TNPO1: variants seen among roughly 807,000 people sequenced by gnomAD.
TNPO1 encodes transportin 1, also known as transportin-1.
In TNPO1, 8 loss-of-function variants were observed where a neutral mutation model predicts 119.5. The observed-to-expected ratio is 0.07, with a 90% CI of 0.04 to 0.12. The LOEUF (loss-of-function observed/expected upper bound fraction) is 0.12, where lower values mean the gene tolerates loss of function less well. Among genes scored for constraint, TNPO1 ranks in the 10% least tolerant of loss-of-function variants. The pLI, the probability that TNPO1 is intolerant of heterozygous loss-of-function variation, is 1.00. For missense variants in TNPO1, 576 were observed against 1,089.8 expected, an observed-to-expected ratio of 0.53 and a Z score of 6.64; for synonymous variants, 362 against 363.0, an observed-to-expected ratio of 1.00 and a Z score of 0.03.
chr5:72,906,894 A>G (rs1223759110), intron 24 of TNPO1, among the ~76,000 whole-genome samples: 3 of 152,258 alleles, frequency 2.0e-5, no homozygotes, highest in East Asian at 1.9e-4. Flanking sequence ...GAATTAAGAC[A>G]TATCTGACTG....
intron 2 of TNPO1, 45 bp from the exon 3 acceptor site, chr5:72,851,199 C>T (rs562214549): frequency 2.6e-6 from 3 of 1,156,376 alleles, no homozygotes; most frequent in East Asian, 2.4e-5. Context: ...TTAATTTCTT[C>T]CTGAGATTAC....
intron 11 of TNPO1, among the ~76,000 whole-genome samples, chr5:72,886,522 T>A (rs1249646203): frequency 1.3e-5 from 2 of 152,206 alleles, no homozygotes; most frequent in Non-Finnish European, 2.9e-5. Context: ...AGAATTCTAG[T>A]ATGACAGTTA....
At chr5:72,864,071 A>C (rs537684525) in intron 5 of TNPO1, among the ~76,000 whole-genome samples, 1 of 152,170 alleles carries the variant, frequency 6.6e-6, no homozygotes, top group Non-Finnish European at 1.5e-5. Context: ...TGAAATTTTT[A>C]ATTGCCACAT....
intron 5 of TNPO1, among the ~76,000 whole-genome samples, chr5:72,863,381 T>A (rs1746630472): frequency 6.6e-6 from 1 of 151,844 alleles, no homozygotes; most frequent in Non-Finnish European, 1.5e-5. Context: ...CCTAGGTGGG[T>A]GGATTGCATG....
intron 7 of TNPO1, among the ~76,000 whole-genome samples, chr5:72,873,419 TA>T (rs1254893928): frequency 1.3e-5 from 2 of 151,756 alleles, no homozygotes; most frequent in Admixed American, 6.6e-5. Context: ...TAAGGAAGAG[TA>T]GGGGGGGTTA....
chr5:72,824,942 C>T (rs190873001), intron 1 of TNPO1, among the ~76,000 whole-genome samples: 3 of 152,198 alleles, frequency 2.0e-5, no homozygotes, highest in Non-Finnish European at 4.4e-5. Context: ...ACAGACTCTC[C>T]CATTTCTGTC....
At chr5:72,842,129 T>A (rs569686527) in intron 1 of TNPO1, among the ~76,000 whole-genome samples, 1 of 152,350 alleles carries the variant, frequency 6.6e-6, no homozygotes, top group South Asian at 2.1e-4. Flanking sequence ...TACATACTAC[T>A]GGTTTTTTAG....
At chr5:72,901,444 C>G (rs1277509529) in intron 22 of TNPO1, among the ~76,000 whole-genome samples, 1 of 152,156 alleles carries the variant, frequency 6.6e-6, no homozygotes, top group Non-Finnish European at 1.5e-5. Context: ...AGTAGGAATA[C>G]TGTCTCTCTA....
At chr5:72,903,456 G>A (rs191352901) in intron 22 of TNPO1, among the ~76,000 whole-genome samples, 1 of 152,136 alleles carries the variant, frequency 6.6e-6, no homozygotes, top group Non-Finnish European at 1.5e-5. Context: ...TTGCACAGGG[G>A]GTTATTTTGT....
intron 20 of TNPO1, among the ~76,000 whole-genome samples, chr5:72,897,367 CT>C (rs1340686089): frequency 6.6e-6 from 1 of 152,088 alleles, no homozygotes; most frequent in Admixed American, 6.5e-5. Flanking sequence ...CAGAAAAACA[CT>C]TTTTTCCCCT....
intron 22 of TNPO1, among the ~76,000 whole-genome samples, chr5:72,901,648 A>G (rs1749802482): frequency 6.6e-6 from 1 of 152,216 alleles, no homozygotes; most frequent in East Asian, 1.9e-4. Context: ...TCCAACTGCC[A>G]ATTTTCTAGA....
In TNPO1 at chr5:72,876,051, C is replaced by T. The variant is rs552669025; in HGVS notation, c.801+314C>T. On this transcript the variant is annotated intron_variant, in intron 8 of 24. Coordinates refer to ENST00000337273, the MANE Select transcript of TNPO1 (RefSeq NM_002270.4). The stretch of plus-strand genomic sequence containing the variant: ...TTAAAAGGCTAGCATTCGTGGTATG[C>T]AGCAACTCCTGTTCTAAAACTTTAC... Among the ~76,000 whole-genome samples, 17 of 152,264 alleles carry T rather than the reference C, an allele frequency of 1.1e-4. 1 individual carries two copies. In the South Asian group the frequency reaches 3.3e-3, roughly 30 times the overall value.
intron 9 of TNPO1, chr5:72,879,306 C>G (rs992571941): frequency 5.8e-5 from 9 of 154,558 alleles, no homozygotes; most frequent in Non-Finnish European, 1.1e-4. Context: ...TAAACCTATG[C>G]TATAACAAAC....
In TNPO1 at chr5:72,883,283, T is replaced by C. The variant is rs772486915; in HGVS notation, c.1150+51T>C. On this transcript the variant is annotated intron_variant, in intron 11 of 24. Coordinates refer to ENST00000337273, the MANE Select transcript of TNPO1 (RefSeq NM_002270.4). ...TTGCCTACTTTGATGATAACTTTAT[T>C]GGGGTATAATTCATCTACTGTACAG... 4.0e-5 allele frequency: 33 copies of C among 833,106 alleles called. No individual in the cohort carries two copies. The South Asian group carries it at 4.6e-4, about 12-fold the overall frequency. The allele number at this position is 833,106 out of a possible 1,614,324, so 51.6% of individuals were successfully genotyped here.
intron 1 of TNPO1, among the ~76,000 whole-genome samples, chr5:72,823,824 CTTAAG>C (rs1426081914): frequency 1.3e-5 from 2 of 152,146 alleles, no homozygotes; most frequent in East Asian, 3.8e-4. Context: ...GGCCACAAAC[CTTAAG>C]TGGGTCTGTA....
chr5:72,902,917 C>T (rs1749897365), intron 22 of TNPO1, among the ~76,000 whole-genome samples: 1 of 151,988 alleles, frequency 6.6e-6, no homozygotes, highest in Non-Finnish European at 1.5e-5. Flanking sequence ...TAAACATACA[C>T]ACACTGTAGT....
At chr5:72,906,298 T>C (rs1750159533) in intron 24 of TNPO1, among the ~76,000 whole-genome samples, 1 of 124,860 alleles carries the variant, frequency 8.0e-6, no homozygotes, top group African/African-American at 3.1e-5. Context: ...TTTTTTTTTT[T>C]TTTTTTTTTT....
intron 8 of TNPO1, 71 bp downstream of exon 8, chr5:72,875,808 A>G (rs1747721492): frequency 2.7e-6 from 4 of 1,501,982 alleles, no homozygotes; most frequent in Non-Finnish European, 2.7e-6. Flanking sequence ...AAAATACAAC[A>G]TACCGGATGG....
chr5:72,835,626 T>C (rs1744664441), intron 1 of TNPO1, among the ~76,000 whole-genome samples: 1 of 152,194 alleles, frequency 6.6e-6, no homozygotes, highest in East Asian at 1.9e-4. Context: ...AGACTCCACC[T>C]GTTAATATTG....
Sources: allele counts gnomAD v4.1 joint callset (sites outside exome capture counted in the v4.1 genomes callset), GRCh38; gene constraint gnomAD v4.1.1; transcripts MANE v1.5; gene names NCBI Gene and HGNC (gene_info 2026-07-23, HGNC 2026-07-21).